AMZ2: variants seen among roughly 807,000 people sequenced by gnomAD.
AMZ2 encodes archaelysin family metallopeptidase 2.
A neutral mutation model predicts 36.7 loss-of-function variants in AMZ2; 26 were observed. That is an observed-to-expected ratio of 0.71 (90% confidence interval 0.52 to 0.98). The LOEUF (loss-of-function observed/expected upper bound fraction) is 0.98. Among genes scored for constraint, AMZ2 ranks in the 50% least tolerant of loss-of-function variants. The pLI is 0.00. For synonymous variants in AMZ2, 144 were observed against 149.1 expected, an observed-to-expected ratio of 0.97 and a Z score of 0.25; for missense variants, 394 against 430.5, an observed-to-expected ratio of 0.92 and a Z score of 0.75.
Position 68,248,190 on chromosome 17 carries a change from G to A in AMZ2, c.-516G>A. ...AGCCGGGTCGTAGAGGCGGGGGCCG[G>A]TCGCGGTCGGTGGAGCGGGATGAGG... is the stretch of plus-strand genomic sequence containing the variant. On this transcript the variant is annotated 5_prime_UTR_variant, in exon 1 of 7. Transcript: ENST00000359904. 1.0e-6 allele frequency: 1 copy of A among 986,470 alleles called. No individual in the cohort carries two copies. 61.1% of individuals were successfully genotyped at this position (986,470 alleles called of 1,614,324 possible).
intron 1 of AMZ2, chr17:68,248,927 T>A (rs1555737498): frequency 3.0e-6 from 2 of 674,620 alleles, no homozygotes; most frequent in Non-Finnish European, 3.9e-6. Flanking sequence ...CGTCTATCAT[T>A]AAACTGGCAA....
At chr17:68,236,652 A>G (rs1599358558) in intron 1 of AMZ2, among the ~76,000 whole-genome samples, 1 of 148,738 alleles carries the variant, frequency 6.7e-6, no homozygotes, top group Non-Finnish European at 1.5e-5. Flanking sequence ...ACTCACTGCA[A>G]CCTCTGTCTC....
intron 1 of AMZ2, among the ~76,000 whole-genome samples, chr17:68,233,171 G>A (rs781831999): frequency 3.9e-5 from 6 of 152,144 alleles, no homozygotes; most frequent in Non-Finnish European, 8.8e-5. Context: ...GGACCATTAG[G>A]GTCATCAACT....
chr17:68,236,876 G>A (rs1421244055), intron 1 of AMZ2, among the ~76,000 whole-genome samples: 6 of 151,986 alleles, frequency 3.9e-5, no homozygotes, highest in Non-Finnish European at 8.8e-5. Context: ...CACCATGCCC[G>A]GCCCAAACAT....
chr17:68,231,675 G>T (rs2073667120), intron 1 of AMZ2, among the ~76,000 whole-genome samples: 1 of 150,080 alleles, frequency 6.7e-6, no homozygotes, highest in African/African-American at 2.5e-5. Context: ...TGTGGTATGT[G>T]TCTTTTTAGC....
At chr17:68,248,964 A>AAGATGATCCAGACAG in intron 1 of AMZ2, 1 of 776,464 alleles carries the variant, frequency 1.3e-6, no homozygotes, top group Non-Finnish European at 1.7e-6. Context: ...AAATATGACA[A>AAGATGATCCAGACAG]AGATGATCCA....
intron 1 of AMZ2, among the ~76,000 whole-genome samples, chr17:68,212,323 G>A (rs1439256979): frequency 1.3e-5 from 2 of 152,106 alleles, no homozygotes; most frequent in South Asian, 4.1e-4. Context: ...AGTGAGCCAA[G>A]AATATACCAC....
Position 68,251,050 on chromosome 17 carries a change from G to A in AMZ2, c.458G>A (p.Gly153Glu), listed in dbSNP as rs569772855. 12 of 1,608,770 alleles carry A rather than the reference G, an allele frequency of 7.5e-6. No individual in the cohort carries two copies. The highest frequency in any genetic ancestry group is 9.3e-6 in the Non-Finnish European group (11 of 1,178,838). ...CATTTATGTATTTCTTTTTAAATAG[G>A]GGACATCCTGAAGTTCTTGAAAAAG... is the stretch of plus-strand genomic sequence containing the variant. ...ENTHNLQIHA[G>E]DILKFLKKKK... is the part of the protein sequence containing the mutation. The change falls in exon 4 of 7, where the codon GGG becomes GAG. Residue 153 changes from glycine (G) to glutamate (E), a missense_variant and splice_region_variant. By Grantham distance (98) the Gly-to-Glu change is moderately conservative. Transcript: ENST00000359904.
At chr17:68,219,358 G>A (rs2073286852) in intron 1 of AMZ2, among the ~76,000 whole-genome samples, 1 of 152,108 alleles carries the variant, frequency 6.6e-6, no homozygotes, top group African/African-American at 2.4e-5. Context: ...CACCTCTTCT[G>A]TCTGGTTCTG....
At chr17:68,238,887 T>G (rs1417407226) in intron 1 of AMZ2, among the ~76,000 whole-genome samples, 2 of 152,200 alleles carry the variant, frequency 1.3e-5, no homozygotes, top group Admixed American at 6.5e-5. Context: ...CTTTTTTCAT[T>G]TCTGCTAATG....
chr17:68,253,976 A>G (rs1311062992), intron 4 of AMZ2, among the ~76,000 whole-genome samples: 2 of 152,056 alleles, frequency 1.3e-5, no homozygotes, highest in Admixed American at 6.6e-5. Flanking sequence ...AGCTTCTGAC[A>G]TCAGGTGATC....
Position 68,248,077 on chromosome 17 carries a change from G to GCTGCCGCGGGTGGGTGGTATCGAGGC in AMZ2, c.-625_-600dup, listed in dbSNP as rs1568371077. On this transcript the variant is annotated 5_prime_UTR_variant, in exon 1 of 7. An upstream open reading frame in the 5' UTR loses its in-frame stop. Transcript: ENST00000359904. ...GGACGCGGTGCGCATGCGCGTGAGG[G>GCTGCCGCGGGTGGGTGGTATCGAGGC]CTGCCGCGGGTGGGTGGTATCGAGG... is the stretch of plus-strand genomic sequence containing the variant. 16 of 986,112 alleles carry GCTGCCGCGGGTGGGTGGTATCGAGGC rather than the reference G, an allele frequency of 1.6e-5. No homozygotes were observed. Among genetic ancestry groups the GCTGCCGCGGGTGGGTGGTATCGAGGC allele is most frequent in the African/African-American group, 1.7e-5 (1 of 57,262 alleles). The allele number at this position is 986,112 out of a possible 1,614,324, so 61.1% of individuals were successfully genotyped here.
At chr17:68,211,694 A>ATATG (rs2073051603) in intron 1 of AMZ2, among the ~76,000 whole-genome samples, 3 of 133,638 alleles carry the variant, frequency 2.2e-5, no homozygotes, top group East Asian at 2.0e-4. Context: ...GTATATGTAT[A>ATATG]TATATGTATA....
At chr17:68,217,534 T>C (rs2144520437) in intron 1 of AMZ2, among the ~76,000 whole-genome samples, 1 of 152,354 alleles carries the variant, frequency 6.6e-6, no homozygotes, top group East Asian at 1.9e-4. Flanking sequence ...AAGTGTTCTG[T>C]GTCAACAATT....
At chr17:68,248,030 C>G, upstream of AMZ2, 1 of 986,558 alleles carries the variant, frequency 1.0e-6, no homozygotes. Context: ...CGCCAGTGGG[C>G]GTGGCGTGGC....
chr17:68,248,118 C>G lies in AMZ2; in HGVS notation c.-588C>G. 1.0e-6 allele frequency: 1 copy of G among 986,416 alleles called. No homozygotes were observed. Among genetic ancestry groups the G allele is most frequent in the Non-Finnish European group, 1.2e-6 (1 of 830,632 alleles). 61.1% of individuals were successfully genotyped at this position (986,416 alleles called of 1,614,324 possible). A position where few individuals can be genotyped will look rare whatever the true frequency, so the allele number is the denominator to read the frequency against. Reference sequence around the variant, plus strand: ...GGTATCGAGGCCTGTCGGGTCAGGGCGGTTCGCGGGTGCTGTCAGAGCTGG... The same window carrying G: ...GGTATCGAGGCCTGTCGGGTCAGGGGGGTTCGCGGGTGCTGTCAGAGCTGG... On this transcript the variant is annotated 5_prime_UTR_variant, in exon 1 of 7. Coordinates refer to ENST00000359904, the MANE Select transcript of AMZ2 (RefSeq NM_016627.5).
intron 1 of AMZ2, among the ~76,000 whole-genome samples, chr17:68,215,542 A>C (rs1246773540): frequency 2.9e-5 from 4 of 136,264 alleles, no homozygotes; most frequent in African/African-American, 1.1e-4. Context: ...TGATGGAGTG[A>C]GACTCTGTCT....
intron 6 of AMZ2, 33 bp downstream of exon 6, chr17:68,255,909 G>A (rs2144783674): frequency 6.2e-7 from 1 of 1,601,320 alleles, no homozygotes; most frequent in Non-Finnish European, 8.5e-7. Flanking sequence ...TAAAGAGGGG[G>A]AAGTGGTTAT....
chr17:68,255,668 T>G, intron 5 of AMZ2, 32 bp from the exon 6 acceptor site: 1 of 1,597,976 alleles, frequency 6.3e-7, no homozygotes, highest in Non-Finnish European at 8.6e-7. Flanking sequence ...GTGATGGTGG[T>G]CTTATAAAGC....
Sources: gnomAD v4.1 joint callset for allele counts (sites outside exome capture counted in the v4.1 genomes callset) on GRCh38, gnomAD v4.1.1 for gene constraint, MANE v1.5 for transcripts, NCBI Gene and HGNC (gene_info 2026-07-23, HGNC 2026-07-21) for gene names.